Variants in SFXN5 observed in about 807,000 individuals in gnomAD.
The protein encoded by SFXN5 is sideroflexin-5.
Under a neutral mutation model 50.2 loss-of-function variants are expected in SFXN5, and 43 were observed. The ratio of observed to expected loss-of-function variants is 0.86; its 90% CI spans 0.67 to 1.11. The LOEUF (loss-of-function observed/expected upper bound fraction) is 1.11. SFXN5 is among the 50% of genes least tolerant of loss of function. SFXN5 has a pLI of 0.00. For missense variants in SFXN5, 463 were observed against 454.1 expected (o/e 1.02, Z -0.18); for synonymous variants, 203 against 185.8 (o/e 1.09, Z -0.75).
intron 3 of SFXN5, among the ~76,000 whole-genome samples, chr2:73,024,166 G>A (rs1052405894): frequency 5.3e-5 from 8 of 151,792 alleles, no homozygotes; most frequent in African/African-American, 1.9e-4. Flanking sequence ...TGGGATTACA[G>A]GCGCGCACCA....
intron 3 of SFXN5, among the ~76,000 whole-genome samples, chr2:73,028,598 A>C (rs1677898680): frequency 6.6e-6 from 1 of 151,976 alleles, no homozygotes; most frequent in African/African-American, 2.4e-5. Flanking sequence ...GAGAAAACTC[A>C]GAAAGGAAGG....
intron 2 of SFXN5, among the ~76,000 whole-genome samples, chr2:73,047,104 A>G (rs1680435890): frequency 6.7e-6 from 1 of 148,614 alleles, no homozygotes; most frequent in Non-Finnish European, 1.5e-5. Context: ...AGGCACCTGT[A>G]ATCCCAGCTA....
chr2:73,063,225 A>G (rs1450436676), intron 1 of SFXN5, among the ~76,000 whole-genome samples: 1 of 152,150 alleles, frequency 6.6e-6, no homozygotes, highest in South Asian at 2.1e-4. Context: ...ACTGAGATTC[A>G]AGAAAGAGAC....
At chr2:72,967,794 T>G (rs1674617457) in intron 12 of SFXN5, among the ~76,000 whole-genome samples, 1 of 152,140 alleles carries the variant, frequency 6.6e-6, no homozygotes, top group Non-Finnish European at 1.5e-5. Context: ...CCGCCCTCTC[T>G]GCGCAGCCTT....
At chr2:73,061,335 C>T (rs1347147318) in intron 1 of SFXN5, among the ~76,000 whole-genome samples, 1 of 147,780 alleles carries the variant, frequency 6.8e-6, no homozygotes, top group East Asian at 2.0e-4. Context: ...AAGTCACATA[C>T]TCTGATGTAT....
chr2:72,981,599 T>C (rs916620521), intron 10 of SFXN5, among the ~76,000 whole-genome samples: 1 of 152,164 alleles, frequency 6.6e-6, no homozygotes, highest in Non-Finnish European at 1.5e-5. Flanking sequence ...CTGAAGGGAA[T>C]GAAACTGAAG....
intron 4 of SFXN5, among the ~76,000 whole-genome samples, 156 bp from the exon 5 acceptor site, chr2:73,022,732 TG>T (rs1677061563): frequency 6.6e-6 from 1 of 152,114 alleles, no homozygotes; most frequent in South Asian, 2.1e-4. Context: ...AGTGGCTGTA[TG>T]TTGCCTTGTG....
intron 13 of SFXN5, among the ~76,000 whole-genome samples, chr2:72,956,797 T>C (rs1028756028): frequency 1.4e-4 from 21 of 152,096 alleles, no homozygotes; most frequent in Admixed American, 3.9e-4. Context: ...TTCCCCATCA[T>C]TGCCCTCTCT....
rs764274066 is a variant in SFXN5, at chr2:73,053,793, C to T, written c.171+4735G>A. Among the ~76,000 whole-genome samples the T allele has an allele frequency of 1.3e-4, 20 of 152,288 alleles. No individual in the cohort carries two copies. In the South Asian group the frequency reaches 1.4e-3, roughly 11 times the overall value. The stretch of plus-strand genomic sequence containing the variant: ...CCAGAGCCACCTCCTCAAGTCCTCA[C>T]GACCTCTACTGTTCTCTCTTCATCA... On this transcript the variant is annotated intron_variant, in intron 2 of 13. Transcript: ENST00000272433.
Position 72,961,653 on chromosome 2 carries a change from G to A in SFXN5, c.828-405C>T, listed in dbSNP as rs1474242086. 6.6e-6 allele frequency among the ~76,000 whole-genome samples: 1 copy of A among 152,194 alleles called. No individual in the cohort carries two copies. The highest frequency in any genetic ancestry group is 2.4e-5 in the African/African-American group (1 of 41,452). On this transcript the variant is annotated intron_variant, in intron 12 of 13. Transcript: ENST00000272433. The surrounding 1 kb of genome is among the most constrained non-coding windows in gnomAD (Gnocchi z 4.4). ...GTAAGATCGCTCTCGAGGGCAGCAC[G>A]TAATTAAACAGCAAAGAAACCAGAG...
chr2:72,963,547 G>A (rs1303251426), intron 12 of SFXN5, among the ~76,000 whole-genome samples: 1 of 151,920 alleles, frequency 6.6e-6, no homozygotes, highest in East Asian at 1.9e-4. Context: ...AGGGAGGGGG[G>A]AGGAAAATGG....
At chr2:73,025,156 AAC>A in intron 3 of SFXN5, among the ~76,000 whole-genome samples, 1 of 150,830 alleles carries the variant, frequency 6.6e-6, no homozygotes, top group Admixed American at 6.6e-5. Flanking sequence ...CAACAACAAC[AAC>A]AAAAAAAAAC....
chr2:72,979,774 G>GTA (rs1048163062), intron 10 of SFXN5, among the ~76,000 whole-genome samples: 34 of 152,050 alleles, frequency 2.2e-4, no homozygotes, highest in Non-Finnish European at 3.1e-4. Context: ...TTACAGAATA[G>GTA]TATATATATA....
rs541247393 is a variant in SFXN5, at chr2:72,969,166, C to T, written c.742-633G>A. Among the ~76,000 whole-genome samples, 13 of 152,232 alleles carry T rather than the reference C, an allele frequency of 8.5e-5. No individual in the cohort carries two copies. In the South Asian group the frequency reaches 2.1e-3, roughly 24 times the overall value. On this transcript the variant is annotated intron_variant, in intron 11 of 13. Transcript: ENST00000272433. ...GAGCAGATTCCCATCACCTGCCACA[C>T]GTGGGGAACACTCAGGCAGCCCCAG...
At chr2:73,057,651 G>A (rs1394213994) in intron 2 of SFXN5, among the ~76,000 whole-genome samples, 2 of 152,168 alleles carry the variant, frequency 1.3e-5, no homozygotes, top group African/African-American at 4.8e-5. Flanking sequence ...TGCCCATATG[G>A]TTTGCTTCTG....
At position 73,071,682 on chromosome 2, in the gene SFXN5, T is replaced by C. The variant is rs752530952; in HGVS notation, c.24A>G (p.Ala8=). 30 of 1,613,066 alleles carry C rather than the reference T, an allele frequency of 1.9e-5. 1 individual carries two copies. In the South Asian group the frequency reaches 2.7e-4, roughly 15 times the overall value. MADTATT[A]SAAAASAASA... Reference sequence around the variant, plus strand: ...TAGCGGCACTAGCCGCCGCCGCCGATGCTGTAGTCGCTGTATCCGCCATGG... The same window carrying C: ...TAGCGGCACTAGCCGCCGCCGCCGACGCTGTAGTCGCTGTATCCGCCATGG... The change falls in exon 1 of 14, where the codon GCA becomes GCG. Residue 8 remains alanine (A), a synonymous_variant. Transcript: ENST00000272433.
intron 13 of SFXN5, among the ~76,000 whole-genome samples, chr2:72,959,550 C>G (rs1330769271): frequency 6.6e-6 from 1 of 152,148 alleles, no homozygotes; most frequent in African/African-American, 2.4e-5. Flanking sequence ...TGCTCAGTCA[C>G]AAGAACACAG....
chr2:72,988,471 CCT>C (rs988252128), intron 9 of SFXN5, 123 bp from the exon 10 acceptor site: 4 of 818,756 alleles, frequency 4.9e-6, no homozygotes, highest in Non-Finnish European at 7.7e-6. Context: ...CACAACTGCA[CCT>C]CACACCCCTA....
At chr2:73,071,442 A>G (rs1420569878) in intron 1 of SFXN5, 162 bp downstream of exon 1, 1 of 634,132 alleles carries the variant, frequency 1.6e-6, no homozygotes, top group Non-Finnish European at 2.7e-6. Context: ...CCGTTGACCA[A>G]TGGGAAAAGG....
Sources: allele counts gnomAD v4.1 joint callset (sites outside exome capture counted in the v4.1 genomes callset), GRCh38; gene constraint gnomAD v4.1.1; non-coding constraint Gnocchi (gnomAD v3.1); transcripts MANE v1.5; gene names NCBI Gene and HGNC (gene_info 2026-07-23, HGNC 2026-07-21).